GNS: variants seen among roughly 807,000 people sequenced by gnomAD.
GNS encodes the protein N-acetylglucosamine-6-sulfatase.
In GNS, 40 loss-of-function variants were observed where a neutral mutation model predicts 69.7. That is an observed-to-expected ratio of 0.57 (90% CI 0.45 to 0.75). The LOEUF (loss-of-function observed/expected upper bound fraction) is 0.75. Among genes scored for constraint, GNS ranks in the 30% least tolerant of loss-of-function variants. The pLI is 0.00. For missense variants in GNS, 565 were observed against 685.5 expected, an observed-to-expected ratio of 0.82 and a Z score of 1.96; for synonymous variants, 243 against 251.6, an observed-to-expected ratio of 0.97 and a Z score of 0.32.
chr12:64,744,577 G>A (rs1869842345), intron 5 of GNS, among the ~76,000 whole-genome samples: 1 of 152,160 alleles, frequency 6.6e-6, no homozygotes, highest in Admixed American at 6.5e-5. Flanking sequence ...TTGGAAAAGG[G>A]ATTTGTTGCT....
In GNS at chr12:64,728,804, C is replaced by T. The variant is rs1869292390; in HGVS notation, c.1200+152G>A. 1.1e-5 allele frequency: 7 copies of T among 633,286 alleles called. No homozygotes were observed. In the East Asian group the frequency reaches 1.9e-4, roughly 18 times the overall value. 39.2% of individuals were successfully genotyped at this position (633,286 alleles called of 1,614,324 possible). A position where few individuals can be genotyped will look rare whatever the true frequency, so the allele number is the denominator to read the frequency against. On this transcript the variant is annotated intron_variant, in intron 10 of 13. Coordinates refer to ENST00000258145, the MANE Select transcript of GNS (RefSeq NM_002076.4). ...AACAACTCTCGATTTCACATGTGGT[C>T]TAATTTTTTATTTTAGAAAACTCCT...
chr12:64,748,530 G>C (rs1261335602), intron 2 of GNS, among the ~76,000 whole-genome samples: 1 of 151,964 alleles, frequency 6.6e-6, no homozygotes, highest in Admixed American at 6.6e-5. Context: ...TTATACACAG[G>C]GGGCACAGCA....
chr12:64,728,937 T>C lies in GNS; in HGVS notation c.1200+19A>G, dbSNP rs778343460. 6.2e-6 allele frequency: 7 copies of C among 1,134,590 alleles called. No individual in the cohort carries two copies. The highest frequency in any genetic ancestry group is 3.7e-5 in the South Asian group (3 of 81,652). 70.3% of individuals were successfully genotyped at this position (1,134,590 alleles called of 1,614,324 possible). A position where few individuals can be genotyped will look rare whatever the true frequency, so the allele number is the denominator to read the frequency against. On this transcript the variant is annotated intron_variant, in intron 10 of 13. Coordinates refer to ENST00000258145, the MANE Select transcript of GNS (RefSeq NM_002076.4). ...TATTGCGGTCTTGGCTCAGGCCTGA[T>C]TGAGGGCGCTATACTTACCAAAATG...
chr12:64,717,706 G>A (rs1156427061), intron 13 of GNS, among the ~76,000 whole-genome samples: 1 of 152,068 alleles, frequency 6.6e-6, no homozygotes, highest in Non-Finnish European at 1.5e-5. Context: ...AAGGAAAAAC[G>A]AATTCTAGTT....
chr12:64,734,470 A>AATT (rs1869499889), intron 9 of GNS, among the ~76,000 whole-genome samples: 2 of 152,180 alleles, frequency 1.3e-5, no homozygotes, highest in South Asian at 4.1e-4. Context: ...CAAAGCCCTA[A>AATT]AGGACAATTA....
intron 10 of GNS, among the ~76,000 whole-genome samples, chr12:64,727,942 T>A (rs1869260705): frequency 2.6e-5 from 4 of 152,216 alleles, no homozygotes; most frequent in Non-Finnish European, 5.9e-5. Context: ...TTATTTATTT[T>A]GAGATGGAGT....
chr12:64,735,243 T>A (rs1869526214), intron 9 of GNS, among the ~76,000 whole-genome samples: 1 of 152,242 alleles, frequency 6.6e-6, no homozygotes, highest in African/African-American at 2.4e-5. Flanking sequence ...AATGGTTAAG[T>A]ATACAGACTT....
rs148534431 is a variant in GNS at position 64,758,416 on chromosome 12, G to A, written c.192+669C>T. ...CGGCTCACTGCAACTGCTGCCTCCC[G>A]GGTTCAAGCGATTCTCCTTCCTCAG... On this transcript the variant is annotated intron_variant, in intron 1 of 13. Transcript: ENST00000258145. 3.2e-3 allele frequency among the ~76,000 whole-genome samples: 451 copies of A among 141,374 alleles called. 3 individuals carry two copies. The highest frequency in any genetic ancestry group is 0.011 in the African/African-American group (422 of 38,378). 92.7% of individuals were successfully genotyped at this position (141,374 alleles called of 152,430 possible). A position where few individuals can be genotyped will look rare whatever the true frequency, so the allele number is the denominator to read the frequency against.
In GNS at chr12:64,759,364, G is replaced by A. The variant is rs1385084702; in HGVS notation, c.-88C>T. The A allele has an allele frequency of 7.7e-6, 7 of 912,218 alleles. No homozygotes were observed. Among genetic ancestry groups the A allele is most frequent in the Non-Finnish European group, 1.1e-5 (7 of 622,368 alleles). 56.5% of individuals were successfully genotyped at this position (912,218 alleles called of 1,614,324 possible). On this transcript the variant is annotated 5_prime_UTR_variant, in exon 1 of 14. Transcript: ENST00000258145. ...AGGGCGAGAGGCCGACCAGCCGAAG[G>A]AATAAAAAGCCGTGCCTTGAAGGCC...
chr12:64,759,379 C>G lies in GNS; in HGVS notation c.-103G>C. Reference sequence around the variant, plus strand: ...CCAGCCGAAGGAATAAAAAGCCGTGCCTTGAAGGCCGGTGGCTGGAGTCAG... The same window carrying G: ...CCAGCCGAAGGAATAAAAAGCCGTGGCTTGAAGGCCGGTGGCTGGAGTCAG... On this transcript the variant is annotated 5_prime_UTR_variant, in exon 1 of 14. Coordinates refer to ENST00000258145, the MANE Select transcript of GNS (RefSeq NM_002076.4). The G allele has an allele frequency of 1.3e-6, 1 of 773,586 alleles. No individual in the cohort carries two copies. The highest frequency in any genetic ancestry group is 2.7e-5 in the East Asian group (1 of 36,726). 47.9% of individuals were successfully genotyped at this position (773,586 alleles called of 1,614,324 possible). A position where few individuals can be genotyped will look rare whatever the true frequency, so the allele number is the denominator to read the frequency against.
Position 64,759,297 on chromosome 12 carries a change from AC to A in GNS, c.-22del. On this transcript the variant is annotated 5_prime_UTR_variant, in exon 1 of 14. Transcript: ENST00000258145. Reference sequence around the variant, plus strand: ...CGCATAGCGGACAGGCTCCGGGGTGACCCCGGGACGGGACGGGACGGAGGGA... The same window carrying A: ...CGCATAGCGGACAGGCTCCGGGGTGACCCGGGACGGGACGGGACGGAGGGA... 1 of 1,474,524 alleles carries A rather than the reference AC, an allele frequency of 6.8e-7. No individual in the cohort carries two copies. The allele number at this position is 1,474,524 out of a possible 1,614,324, so 91.3% of individuals were successfully genotyped here. A position where few individuals can be genotyped will look rare whatever the true frequency, so the allele number is the denominator to read the frequency against.
Position 64,743,322 on chromosome 12 carries a change from A to G in GNS, c.625-14T>C, listed in dbSNP as rs1869804743. On this transcript the variant is annotated splice_polypyrimidine_tract_variant and intron_variant, in intron 5 of 13. Transcript: ENST00000258145. ...GGAGACATTAGCCTGACACATAAAA[A>G]GATTTGTCATCTCCTACCTTACCCA... 1 of 1,594,252 alleles carries G rather than the reference A, an allele frequency of 6.3e-7. No homozygotes were observed. Among genetic ancestry groups the G allele is most frequent in the Non-Finnish European group, 8.6e-7 (1 of 1,162,196 alleles).
rs1592489197 is a variant in GNS at position 64,716,335 on chromosome 12, G to A, written c.*406C>T. 3.7e-6 allele frequency: 1 copy of A among 273,140 alleles called. No homozygotes were observed. Among genetic ancestry groups the A allele is most frequent in the East Asian group, 8.3e-5 (1 of 12,104 alleles). The allele number at this position is 273,140 out of a possible 1,614,324, so 16.9% of individuals were successfully genotyped here. A position where few individuals can be genotyped will look rare whatever the true frequency, so the allele number is the denominator to read the frequency against. ...ATGCTACACAGGTCCTTTGACTTTA[G>A]GTCAAGCTTACATATCAAAAGGTGT... is the stretch of plus-strand genomic sequence containing the variant. On this transcript the variant is annotated 3_prime_UTR_variant, in exon 14 of 14. Coordinates refer to ENST00000258145, the MANE Select transcript of GNS (RefSeq NM_002076.4).
chr12:64,726,399 G>T (rs1869200899), intron 10 of GNS, among the ~76,000 whole-genome samples: 1 of 152,100 alleles, frequency 6.6e-6, no homozygotes, highest in Admixed American at 6.5e-5. Flanking sequence ...ATACATCAAG[G>T]ACTTGGATGT....
rs1565884569 is a variant in GNS, at chr12:64,737,111, A to C, written c.995-4T>G. The C allele has an allele frequency of 7.2e-7, 1 of 1,393,720 alleles. No homozygotes were observed. Among genetic ancestry groups the C allele is most frequent in the East Asian group, 2.3e-5 (1 of 43,844 alleles). 86.3% of individuals were successfully genotyped at this position (1,393,720 alleles called of 1,614,324 possible). A position where few individuals can be genotyped will look rare whatever the true frequency, so the allele number is the denominator to read the frequency against. On this transcript the variant is annotated splice_region_variant and splice_polypyrimidine_tract_variant and intron_variant, in intron 8 of 13. Coordinates refer to ENST00000258145, the MANE Select transcript of GNS (RefSeq NM_002076.4). Reference sequence around the variant, plus strand: ...TCTATTGGCAAGGAAAACTGTCCTGAAAACAAAACACACAATGTAAAGATG... The same window carrying C: ...TCTATTGGCAAGGAAAACTGTCCTGCAAACAAAACACACAATGTAAAGATG...
intron 3 of GNS, among the ~76,000 whole-genome samples, 181 bp downstream of exon 3, chr12:64,747,531 T>A (rs572071968): frequency 1.3e-5 from 2 of 152,232 alleles, no homozygotes; most frequent in East Asian, 1.9e-4. Flanking sequence ...CATGTAAATA[T>A]GTACATGTGT....
intron 7 of GNS, among the ~76,000 whole-genome samples, chr12:64,739,961 T>C (rs1869680302): frequency 6.6e-6 from 1 of 152,212 alleles, no homozygotes; most frequent in Admixed American, 6.5e-5. Flanking sequence ...CTATGACTCA[T>C]GGGCCAAAGC....
chr12:64,759,130 C>T lies in GNS; in HGVS notation c.147G>A (p.Val49=), dbSNP rs1200285811. 6.4e-7 allele frequency: 1 copy of T among 1,562,170 alleles called. No individual in the cohort carries two copies. Among genetic ancestry groups the T allele is most frequent in the Non-Finnish European group, 8.7e-7 (1 of 1,153,524 alleles). The change falls in exon 1 of 14, where the codon GTG becomes GTA. Residue 49 remains valine, a synonymous_variant. Coordinates refer to ENST00000258145, the MANE Select transcript of GNS (RefSeq NM_002076.4). ...GVAAGTRRPN[V]VLLLTDDQDE... ...CCTGGTCGTCCGTGAGGAGCAGCAC[C>T]ACGTTGGGCCTCCGGGTTCCCGCAG... is the stretch of plus-strand genomic sequence containing the variant.
At chr12:64,720,385 G>T (rs548641450) in intron 12 of GNS, among the ~76,000 whole-genome samples, 2 of 152,274 alleles carry the variant, frequency 1.3e-5, no homozygotes, top group African/African-American at 4.8e-5. Flanking sequence ...CTGTTCTGGG[G>T]GTTCAGTTGC....
Sources: gnomAD v4.1 joint callset for allele counts (sites outside exome capture counted in the v4.1 genomes callset) on GRCh38, gnomAD v4.1.1 for gene constraint, MANE v1.5 for transcripts, NCBI Gene and HGNC (gene_info 2026-07-23, HGNC 2026-07-21) for gene names.